The following TBC1D5 variants were observed in gnomAD, a reference collection of about 807,000 sequenced individuals.
TBC1D5 encodes the protein TBC1 domain family member 5.
In TBC1D5, 75 loss-of-function variants were observed where a neutral mutation model predicts 100.3. The observed-to-expected ratio is 0.75, with a 90% CI of 0.62 to 0.91. The LOEUF (loss-of-function observed/expected upper bound fraction) is 0.91, where lower values mean the gene tolerates loss of function less well. Among genes scored for constraint, TBC1D5 ranks in the 40% least tolerant of loss-of-function variants. The probability of loss-of-function intolerance (pLI) is 0.00; values close to 1 mark genes in which losing one functional copy is unlikely to be tolerated. For missense variants in TBC1D5, 910 were observed against 942.4 expected (o/e 0.97, Z 0.45); for synonymous variants, 323 against 325.6 (o/e 0.99, Z 0.09).
At chr3:17,561,669 T>C (rs1042434171) in intron 2 of TBC1D5, among the ~76,000 whole-genome samples, 8 of 152,118 alleles carry the variant, frequency 5.3e-5, no homozygotes, top group African/African-American at 1.9e-4. Flanking sequence ...TGTACAGCTT[T>C]AGGCCAACGA....
chr3:17,682,514 A>G (rs1203696509), intron 1 of TBC1D5, among the ~76,000 whole-genome samples: 1 of 151,516 alleles, frequency 6.6e-6, no homozygotes. Context: ...AACTTAGTTT[A>G]ATCATAAAGA....
chr3:17,530,394 A>G (rs1269538478), intron 2 of TBC1D5, among the ~76,000 whole-genome samples: 2 of 152,208 alleles, frequency 1.3e-5, no homozygotes, highest in Non-Finnish European at 2.9e-5. Context: ...GAGGGTAATC[A>G]GAGCTCATTT....
chr3:17,540,806 C>T lies in TBC1D5; in HGVS notation c.-35-32201G>A, dbSNP rs181809196. Among the ~76,000 whole-genome samples the T allele has an allele frequency of 3.6e-3, 526 of 147,300 alleles. 4 individuals carry two copies. Among genetic ancestry groups the T allele is most frequent in the African/African-American group, 0.013 (499 of 39,530 alleles). On this transcript the variant is annotated intron_variant, in intron 2 of 21. Coordinates refer to ENST00000253692, the Ensembl canonical transcript of TBC1D5. The stretch of plus-strand genomic sequence containing the variant: ...CCTGTAATCCCAACTGCTGGGGAAG[C>T]TGAGGCAGGAGAATCGCTTGAACCC...
intron 1 of TBC1D5, among the ~76,000 whole-genome samples, chr3:17,704,978 C>T (rs1370725484): frequency 5.0e-5 from 6 of 120,504 alleles, no homozygotes; most frequent in Admixed American, 7.6e-5. Flanking sequence ...ACCTCCCAGA[C>T]GGGGCGGCTG....
rs546241530 is a variant in TBC1D5 at position 17,475,090 on chromosome 3, C to T, written c.97+33384G>A. On this transcript the variant is annotated intron_variant, in intron 3 of 21. Transcript: ENST00000253692. The stretch of plus-strand genomic sequence containing the variant: ...TTTTCAATTGTGTTCATATTCCTAA[C>T]TTGTCTGAATTTTTGGATATTAAAG... Among the ~76,000 whole-genome samples, 66 of 152,030 alleles carry T rather than the reference C, an allele frequency of 4.3e-4. 1 individual carries two copies. The highest frequency in any genetic ancestry group is 8.4e-4 in the Non-Finnish European group (57 of 67,972).
chr3:17,320,829 T>C (rs764010432), intron 13 of TBC1D5, among the ~76,000 whole-genome samples: 2 of 152,214 alleles, frequency 1.3e-5, no homozygotes, highest in Non-Finnish European at 2.9e-5. Flanking sequence ...TCTATATGTA[T>C]TGAGGGTCTG....
chr3:17,531,170 A>G (rs2096218285), intron 2 of TBC1D5, among the ~76,000 whole-genome samples: 1 of 152,262 alleles, frequency 6.6e-6, no homozygotes, highest in Admixed American at 6.5e-5. Flanking sequence ...AAAAAGCACA[A>G]GCATTCTTAT....
At chr3:17,605,994 G>A (rs2061311746) in intron 2 of TBC1D5, among the ~76,000 whole-genome samples, 1 of 152,144 alleles carries the variant, frequency 6.6e-6, no homozygotes, top group South Asian at 2.1e-4. Flanking sequence ...TATTTTGCAA[G>A]TTGGCCTGTC....
chr3:17,267,102 G>C (rs539988853), intron 15 of TBC1D5, among the ~76,000 whole-genome samples: 1 of 152,030 alleles, frequency 6.6e-6, no homozygotes, highest in African/African-American at 2.4e-5. Context: ...CCACCTGTGC[G>C]TTATGCTCGA....
intron 15 of TBC1D5, among the ~76,000 whole-genome samples, chr3:17,288,862 T>C (rs1053976725): frequency 6.6e-6 from 1 of 152,170 alleles, no homozygotes; most frequent in African/African-American, 2.4e-5. Flanking sequence ...TACCCTCCGC[T>C]GGCAGAGGGT....
At chr3:17,368,626 T>C (rs1407373195) in intron 13 of TBC1D5, among the ~76,000 whole-genome samples, 1 of 151,968 alleles carries the variant, frequency 6.6e-6, no homozygotes, top group Non-Finnish European at 1.5e-5. Flanking sequence ...CATTTTGCCA[T>C]TGGCTCATTC....
chr3:17,601,541 T>C (rs963407407), intron 2 of TBC1D5, among the ~76,000 whole-genome samples: 3 of 152,134 alleles, frequency 2.0e-5, no homozygotes, highest in Admixed American at 1.3e-4. Flanking sequence ...ACTACCAATA[T>C]TTAAAATGAA....
rs1200362067 is a variant in TBC1D5, at chr3:17,404,915, C to T, written c.323G>A (p.Arg108Lys). The stretch of plus-strand genomic sequence containing the variant: ...ATACCATGCTCTTAATTCTTCAATT[C>T]TACTTATCCATTGACTTTTGTCTTG... Residue 108 changes from arginine (R) to lysine (K), a missense_variant, in exon 6 of 22, where the codon AGA becomes AAA. Transcript: ENST00000253692. 2 of 1,600,590 alleles carry T rather than the reference C, an allele frequency of 1.2e-6. No homozygotes were observed. The highest frequency in any genetic ancestry group is 2.2e-5 in the East Asian group (1 of 44,486).
At chr3:17,303,807 T>C (rs974216448) in intron 14 of TBC1D5, among the ~76,000 whole-genome samples, 9 of 151,358 alleles carry the variant, frequency 5.9e-5, no homozygotes, top group African/African-American at 2.2e-4. Flanking sequence ...CCTAATTCAT[T>C]TGGAAGCCTG....
chr3:17,305,511 G>C (rs1393338962), intron 14 of TBC1D5, among the ~76,000 whole-genome samples: 3 of 152,124 alleles, frequency 2.0e-5, no homozygotes, highest in Non-Finnish European at 4.4e-5. Flanking sequence ...TGTGGTGATG[G>C]TTTTAACAAA....
chr3:17,462,280 C>T (rs2095226035), intron 3 of TBC1D5, among the ~76,000 whole-genome samples: 1 of 150,312 alleles, frequency 6.7e-6, no homozygotes, highest in Non-Finnish European at 1.5e-5. Context: ...TTCCTGGTTT[C>T]CTTCATTACC....
chr3:17,157,952 T>G (rs1384600033), exon 22 of TBC1D5: 1 of 151,964 alleles, frequency 6.6e-6, no homozygotes, highest in Non-Finnish European at 1.5e-5. Flanking sequence ...CACAGGGAGG[T>G]CCTGGTTTAT....
intron 14 of TBC1D5, among the ~76,000 whole-genome samples, chr3:17,303,464 C>T (rs1190630094): frequency 6.6e-6 from 1 of 152,154 alleles, no homozygotes; most frequent in African/African-American, 2.4e-5. Context: ...AGGCTCATTA[C>T]ATTTCCTTCT....
chr3:17,621,788 A>AT (rs975373918), intron 2 of TBC1D5, among the ~76,000 whole-genome samples: 7 of 151,928 alleles, frequency 4.6e-5, no homozygotes, highest in African/African-American at 1.7e-4. Flanking sequence ...AGAATGTACT[A>AT]TGCTCACTCC....
Sources: gnomAD v4.1 joint callset for allele counts (sites outside exome capture counted in the v4.1 genomes callset) on GRCh38, gnomAD v4.1.1 for gene constraint, MANE v1.5 for transcripts, NCBI Gene and HGNC (gene_info 2026-07-23, HGNC 2026-07-21) for gene names.